The following MZT2B variants were observed in gnomAD, a reference collection of about 807,000 sequenced individuals.
The protein encoded by MZT2B is mitotic spindle organizing protein 2B.
Under a neutral mutation model 12.1 loss-of-function variants are expected in MZT2B, and 11 were observed. The ratio of observed to expected loss-of-function variants is 0.91; its 90% CI spans 0.57 to 1.50. MZT2B has a LOEUF of 1.50. Among genes scored for constraint, MZT2B ranks in the 40% most tolerant of loss-of-function variants. The probability of loss-of-function intolerance (pLI) is 0.00; values close to 1 mark genes in which losing one functional copy is unlikely to be tolerated. For missense variants in MZT2B, 209 were observed against 227.7 expected (o/e 0.92, Z 0.53); for synonymous variants, 85 against 109.5 (o/e 0.78, Z 1.40).
chr2:130,196,816 C>T, the MZT2B span, among the ~76,000 whole-genome samples: 1 of 152,196 alleles, frequency 6.6e-6, no homozygotes, highest in African/African-American at 2.4e-5. Context: ...TGTGTCCTCT[C>T]TCTGCCCCCC....
At chr2:130,188,831 G>A (rs1412466165) in intron 2 of MZT2B, among the ~76,000 whole-genome samples, 3 of 151,750 alleles carry the variant, frequency 2.0e-5, no homozygotes, top group Admixed American at 2.0e-4. Flanking sequence ...TCAGACACAG[G>A]AGTCTCTGCT....
the MZT2B span, among the ~76,000 whole-genome samples, chr2:130,203,392 G>C: frequency 6.6e-6 from 1 of 152,230 alleles, no homozygotes; most frequent in African/African-American, 2.4e-5. Context: ...CTGCCAGCTT[G>C]CTCCAGGTCT....
downstream of MZT2B, chr2:130,194,397 A>C (rs1323094197): frequency 1.2e-6 from 2 of 1,612,096 alleles, no homozygotes; most frequent in Admixed American, 1.7e-5. Flanking sequence ...AGAGATGCGA[A>C]CCCAGAGCCA....
chr2:130,201,732 GCAT>G, the MZT2B span, among the ~76,000 whole-genome samples: 11 of 152,272 alleles, frequency 7.2e-5, no homozygotes, highest in Admixed American at 6.5e-4. Flanking sequence ...TCTCGACAAT[GCAT>G]CATCAGGTAA....
At chr2:130,194,555 A>G, downstream of MZT2B, 1 of 1,363,962 alleles carries the variant, frequency 7.3e-7, no homozygotes, top group Non-Finnish European at 9.9e-7. Flanking sequence ...TTTGCCTCTA[A>G]AGAGTTGATA....
At chr2:130,184,439 C>T (rs1433732310) in intron 2 of MZT2B, 2 of 985,362 alleles carry the variant, frequency 2.0e-6, no homozygotes, top group South Asian at 4.7e-5. Flanking sequence ...CGTGGCCACA[C>T]TCCAGCACTC....
intron 2 of MZT2B, among the ~76,000 whole-genome samples, chr2:130,187,111 GTACTGAT>G (rs1488832967): frequency 1.3e-5 from 2 of 151,552 alleles, no homozygotes; most frequent in Non-Finnish European, 2.9e-5. Context: ...AATAACTTAT[GTACTGAT>G]TACGTATTGA....
the MZT2B span, among the ~76,000 whole-genome samples, chr2:130,197,435 C>T: frequency 9.7e-6 from 1 of 102,616 alleles, no homozygotes; most frequent in Non-Finnish European, 2.0e-5. Flanking sequence ...TGCAGGGAGC[C>T]GTGATCTTGC....
intron 2 of MZT2B, chr2:130,188,075 A>G (rs1459874443): frequency 6.6e-6 from 1 of 152,202 alleles, no homozygotes; most frequent in African/African-American, 2.4e-5. Flanking sequence ...TCAAAAAAAA[A>G]AAAAAGCATT....
the MZT2B span, chr2:130,204,291 C>G: frequency 9.1e-6 from 4 of 441,366 alleles, no homozygotes; most frequent in African/African-American, 2.0e-5. Flanking sequence ...CAGAGCTCTA[C>G]TCCCAGAAGC....
chr2:130,201,839 C>A, the MZT2B span, among the ~76,000 whole-genome samples: 1 of 152,146 alleles, frequency 6.6e-6, no homozygotes, highest in South Asian at 2.1e-4. Flanking sequence ...AGCATATAGC[C>A]CCTTGGCTAC....
the MZT2B span, among the ~76,000 whole-genome samples, chr2:130,196,772 C>T: frequency 2.0e-5 from 3 of 152,190 alleles, no homozygotes; most frequent in African/African-American, 7.2e-5. Flanking sequence ...GAGTAGGTCC[C>T]AGGTCACCAT....
At chr2:130,190,741 G>GTTTTTTGTTTTTTTTT (rs1573767798), downstream of MZT2B, 3 of 1,096,302 alleles carry the variant, frequency 2.7e-6, 1 homozygote, top group Non-Finnish European at 3.5e-6. Context: ...GTTGTCTACC[G>GTTTTTTGTTTTTTTTT]TTTTTTTTTT....
chr2:130,193,256 T>A (rs903846430), downstream of MZT2B, among the ~76,000 whole-genome samples: 8 of 150,520 alleles, frequency 5.3e-5, no homozygotes, highest in East Asian at 5.9e-4. Context: ...TCTCAAAAAA[T>A]AAATAAATAA....
the MZT2B span, chr2:130,204,205 G>A: frequency 8.1e-7 from 1 of 1,229,188 alleles, no homozygotes; most frequent in Non-Finnish European, 1.1e-6. Flanking sequence ...GAAATCCCAA[G>A]CCAAAGAACT....
downstream of MZT2B, among the ~76,000 whole-genome samples, chr2:130,193,410 A>C (rs1267799356): frequency 6.6e-6 from 1 of 151,654 alleles, no homozygotes; most frequent in Non-Finnish European, 1.5e-5. Context: ...GGAGTTCAAG[A>C]CCAACCTGTC....
intron 2 of MZT2B, among the ~76,000 whole-genome samples, chr2:130,185,980 A>G (rs936010570): frequency 1.2e-4 from 18 of 152,058 alleles, no homozygotes; most frequent in Non-Finnish European, 1.6e-4. Context: ...GTGGAGGGGA[A>G]TGGGGCAGAT....
At chr2:130,198,929 G>A in the MZT2B span, among the ~76,000 whole-genome samples, 13,937 of 123,804 alleles carry the variant, frequency 0.11, 4,608 homozygotes, top group African/African-American at 0.37. Flanking sequence ...GGAGAAAACG[G>A]GCCGGGCGCG....
Position 130,190,292 on chromosome 2 carries a change from G to A in MZT2B, c.320-177G>A, listed in dbSNP as rs147092800. On this transcript the variant is annotated intron_variant, in intron 2 of 2. Coordinates refer to ENST00000281871, the MANE Select transcript of MZT2B (RefSeq NM_025029.5). The stretch of plus-strand genomic sequence containing the variant: ...GCACACTGCGAAGGGCTTCTGGGGC[G>A]TGACCTGTCTTTAGTGGTTCTGAGT... Among the ~76,000 whole-genome samples, 1,373 of 152,328 alleles carry A rather than the reference G, an allele frequency of 9.0e-3. 15 individuals are homozygous for A. The highest frequency in any genetic ancestry group is 0.021 in the African/African-American group (885 of 41,564).
Sources: gnomAD v4.1 joint callset for allele counts (sites outside exome capture counted in the v4.1 genomes callset) on GRCh38, gnomAD v4.1.1 for gene constraint, MANE v1.5 for transcripts, NCBI Gene and HGNC (gene_info 2026-07-23, HGNC 2026-07-21) for gene names.